NREP: variants seen among roughly 807,000 people sequenced by gnomAD.
NREP encodes neuronal regeneration related protein.
In NREP, 5 loss-of-function variants were observed where a neutral mutation model predicts 8.6. That is an observed-to-expected ratio of 0.58 (90% CI 0.30 to 1.22). The LOEUF is 1.22. NREP is among the 50% of genes most tolerant of loss of function. The pLI, the probability that NREP is intolerant of heterozygous loss-of-function variation, is 0.07. For missense variants in NREP, 86 were observed against 82.5 expected, an observed-to-expected ratio of 1.04 and a Z score of -0.17; for synonymous variants, 27 against 28.0, an observed-to-expected ratio of 0.96 and a Z score of 0.11.
At chr5:111,775,878 A>C (rs1221574013) in intron 2 of NREP, among the ~76,000 whole-genome samples, 9 of 152,126 alleles carry the variant, frequency 5.9e-5, no homozygotes, top group Non-Finnish European at 1.2e-4. Context: ...AGAACCTAAT[A>C]AGGGGTGAAG....
At chr5:111,772,300 G>A (rs1751249333) in intron 2 of NREP, among the ~76,000 whole-genome samples, 1 of 152,092 alleles carries the variant, frequency 6.6e-6, no homozygotes, top group African/African-American at 2.4e-5. Flanking sequence ...CCAGAGGTGA[G>A]AGAATAGAAG....
At chr5:111,816,115 A>G (rs1367469066) in intron 2 of NREP, among the ~76,000 whole-genome samples, 2 of 152,196 alleles carry the variant, frequency 1.3e-5, no homozygotes, top group Non-Finnish European at 2.9e-5. Context: ...TGTAATCAGT[A>G]AAAATGTTAA....
At chr5:111,732,898 T>A (rs1748726011) in intron 3 of NREP, 1 of 152,158 alleles carries the variant, frequency 6.6e-6, no homozygotes, top group Non-Finnish European at 1.5e-5. Context: ...ACAGCTTGCC[T>A]TAAAACTGCT....
At chr5:111,836,578 A>ATTGCTTTGGGTGG in intron 2 of NREP, among the ~76,000 whole-genome samples, 1 of 152,222 alleles carries the variant, frequency 6.6e-6, no homozygotes, top group South Asian at 2.1e-4. Context: ...AACATTTCAA[A>ATTGCTTTGGGTGG]GAGAAGCCAG....
chr5:111,757,229 TGG>T, upstream of NREP: 8 of 180,886 alleles, frequency 4.4e-5, no homozygotes, highest in Non-Finnish European at 5.0e-5. Flanking sequence ...AAAGACAGAT[TGG>T]GGGGGGAGGG....
intron 2 of NREP, among the ~76,000 whole-genome samples, chr5:111,773,479 A>G (rs1005355650): frequency 1.3e-5 from 2 of 152,214 alleles, no homozygotes; most frequent in African/African-American, 4.8e-5. Context: ...TCAAGAAATT[A>G]GAAGATGATT....
chr5:111,923,443 A>G (rs1755300659), intron 2 of NREP, among the ~76,000 whole-genome samples: 1 of 152,210 alleles, frequency 6.6e-6, no homozygotes, highest in South Asian at 2.1e-4. Context: ...TCTGGGAGGA[A>G]GGTGGCTGGA....
In NREP at chr5:111,934,497, A is replaced by T. The variant is rs144797002; in HGVS notation, c.135+40777T>A. Among the ~76,000 whole-genome samples, 670 of 152,214 alleles carry T rather than the reference A, an allele frequency of 4.4e-3. 4 individuals carry two copies. Among genetic ancestry groups the T allele is most frequent in the African/African-American group, 0.015 (638 of 41,562 alleles). The stretch of plus-strand genomic sequence containing the variant: ...AATAACTCATTTTCTTTCTCTTAGA[A>T]AAATGGGGATACTCAGTTACAGGTA... On this transcript the variant is annotated intron_variant, in intron 2 of 3. Coordinates refer to the NREP transcript ENST00000395634.
intron 2 of NREP, among the ~76,000 whole-genome samples, chr5:111,859,480 A>G (rs1226905970): frequency 6.6e-6 from 1 of 152,090 alleles, no homozygotes; most frequent in Non-Finnish European, 1.5e-5. Context: ...TCTGTCCCAT[A>G]AGATCTCCTC....
chr5:111,735,464 A>G lies in NREP; in HGVS notation c.47T>C (p.Phe16Ser). The stretch of plus-strand genomic sequence containing the variant: ...CCTTCCCTCCATGTCCTTGTTTGGA[A>G]ATGGTTCTTGACTGACCCAGACAAA... Reference protein sequence around the residue: ...ELFVWVSQEPFPNKDMEGRLP... With the variant: ...ELFVWVSQEPSPNKDMEGRLP... Residue 16 changes from phenylalanine (F) to serine (S), a missense_variant, in exon 3 of 4, where the codon TTT becomes TCT. Physicochemically the swap from Phe to Ser is radical, Grantham distance 155. Transcript: ENST00000257435. 1.9e-6 allele frequency: 3 copies of G among 1,613,240 alleles called. No individual in the cohort carries two copies. Among genetic ancestry groups the G allele is most frequent in the Non-Finnish European group, 2.5e-6 (3 of 1,179,408 alleles).
intron 2 of NREP, among the ~76,000 whole-genome samples, chr5:111,957,269 A>G (rs2112645982): frequency 6.6e-6 from 1 of 152,136 alleles, no homozygotes; most frequent in East Asian, 1.9e-4. Flanking sequence ...ATCTTGGGCT[A>G]TTTAATGGCA....
intron 2 of NREP, among the ~76,000 whole-genome samples, chr5:111,775,095 TGCTCAGGCTGGCTTCTAACTCCTGG>T (rs1311454555): frequency 6.6e-6 from 1 of 152,204 alleles, no homozygotes; most frequent in Admixed American, 6.5e-5. Flanking sequence ...TTTGCTATGT[TGCTCAGGCTGGCTTCTAACTCCTGG>T]GCTCAAGCAG....
chr5:111,825,565 CAGAA>C (rs1752603304), intron 2 of NREP, among the ~76,000 whole-genome samples: 1 of 152,134 alleles, frequency 6.6e-6, no homozygotes. Flanking sequence ...TTTATTGAAA[CAGAA>C]AGGATTTTTG....
In NREP at chr5:111,968,250, T is replaced by C. The variant is rs372027680; in HGVS notation, c.135+7024A>G. Among the ~76,000 whole-genome samples, 7 of 152,308 alleles carry C rather than the reference T, an allele frequency of 4.6e-5. No homozygotes were observed. In the East Asian group the frequency reaches 9.6e-4, roughly 21 times the overall value. On this transcript the variant is annotated intron_variant, in intron 2 of 3. Coordinates refer to the NREP transcript ENST00000395634. ...AAAAGGTACTTCAGGTTTAAAACAC[T>C]TTCTTTACATATTAAACCCTACTGG...
chr5:111,883,644 A>C (rs1754148719), intron 2 of NREP, among the ~76,000 whole-genome samples: 1 of 152,230 alleles, frequency 6.6e-6, no homozygotes, highest in Non-Finnish European at 1.5e-5. Flanking sequence ...CAGTGCAATC[A>C]AACTAGAACT....
chr5:111,810,836 A>C (rs980115319), intron 2 of NREP, among the ~76,000 whole-genome samples: 1 of 152,182 alleles, frequency 6.6e-6, no homozygotes, highest in African/African-American at 2.4e-5. Flanking sequence ...TGAGTCCTAT[A>C]ATTACTTTTC....
At chr5:111,826,731 C>T (rs1378564439) in intron 2 of NREP, among the ~76,000 whole-genome samples, 4 of 152,150 alleles carry the variant, frequency 2.6e-5, no homozygotes, top group South Asian at 2.1e-4. Context: ...GACGAGTTTT[C>T]GCCATGTTGG....
chr5:111,932,518 T>C (rs763878172), intron 2 of NREP, among the ~76,000 whole-genome samples: 12 of 152,122 alleles, frequency 7.9e-5, no homozygotes, highest in Non-Finnish European at 1.5e-4. Flanking sequence ...GTAGGACTCA[T>C]ATACATTTAT....
Position 111,880,966 on chromosome 5 carries a change from C to G in NREP, c.135+94308G>C, listed in dbSNP as rs536957904. ...GTTCATCTCACTAGGGAGTGCCAGA[C>G]AGTGGGCACAGGACAGTGGGTGCAG... On this transcript the variant is annotated intron_variant, in intron 2 of 3. Coordinates refer to the NREP transcript ENST00000395634. Among the ~76,000 whole-genome samples the G allele has an allele frequency of 2.8e-4, 42 of 152,282 alleles. 1 individual carries two copies. The East Asian group carries it at 2.9e-3, about 11-fold the overall frequency.
Sources: gnomAD v4.1 joint callset for allele counts (sites outside exome capture counted in the v4.1 genomes callset) on GRCh38, gnomAD v4.1.1 for gene constraint, MANE v1.5 for transcripts, NCBI Gene and HGNC (gene_info 2026-07-23, HGNC 2026-07-21) for gene names.